The following FBXO28 variants were observed in gnomAD, a reference collection of about 807,000 sequenced individuals.
The protein encoded by FBXO28 is F-box only protein 28.
A neutral mutation model predicts 38.1 loss-of-function variants in FBXO28; 8 were observed. The ratio of observed to expected loss-of-function variants is 0.21; its 90% CI spans 0.12 to 0.38. The LOEUF is 0.38. Ranked by LOEUF, FBXO28 falls within the 10% of genes least tolerant of loss-of-function variation. The pLI is 1.00. For synonymous variants in FBXO28, 168 were observed against 173.8 expected (o/e 0.97, Z 0.26); for missense variants, 345 against 460.6 (o/e 0.75, Z 2.30).
At chr1:224,145,893 C>T (rs1380163379) in intron 3 of FBXO28, among the ~76,000 whole-genome samples, 1 of 152,104 alleles carries the variant, frequency 6.6e-6, no homozygotes, top group Non-Finnish European at 1.5e-5. Context: ...CATGGAGAAA[C>T]CCATCGCTAC....
Position 224,136,059 on chromosome 1 carries a change from C to T in FBXO28, c.516+1847C>T, listed in dbSNP as rs562529137. ...AAAAACAAACAAATAATGTTAAATCCACTGGAGTCCTGTCATTTTTGGAAA... is the reference window on the plus strand; with the variant it reads ...AAAAACAAACAAATAATGTTAAATCTACTGGAGTCCTGTCATTTTTGGAAA... On this transcript the variant is annotated intron_variant, in intron 3 of 4. Coordinates refer to ENST00000366862, the MANE Select transcript of FBXO28 (RefSeq NM_015176.4). Among the ~76,000 whole-genome samples the T allele has an allele frequency of 1.7e-4, 25 of 147,372 alleles. No individual in the cohort carries two copies. In the South Asian group the frequency reaches 4.7e-3, roughly 28 times the overall value.
At chr1:224,133,964 TA>T (rs1657118088) in intron 2 of FBXO28, 109 bp from the exon 3 acceptor site, 1 of 744,446 alleles carries the variant, frequency 1.3e-6, no homozygotes. Flanking sequence ...TGTAGATTTC[TA>T]AATTAACATG....
intron 3 of FBXO28, among the ~76,000 whole-genome samples, chr1:224,136,105 T>TTTTTTTG (rs1218484554): frequency 1.6e-5 from 2 of 125,298 alleles, no homozygotes; most frequent in Admixed American, 1.6e-4. Context: ...ACTTCAGTTT[T>TTTTTTTG]TTTTTTTTTT....
chr1:224,147,557 G>A (rs1248345037), intron 3 of FBXO28, among the ~76,000 whole-genome samples: 1 of 152,064 alleles, frequency 6.6e-6, no homozygotes. Context: ...ATCTAGAGGT[G>A]ATCTAGGTTA....
At chr1:224,117,513 A>G (rs185536030) in intron 1 of FBXO28, among the ~76,000 whole-genome samples, 2 of 152,272 alleles carry the variant, frequency 1.3e-5, no homozygotes, top group East Asian at 3.9e-4. Context: ...GGTTTCACAG[A>G]AATTACTCCT....
At chr1:224,141,996 C>T (rs1397726906) in intron 3 of FBXO28, among the ~76,000 whole-genome samples, 4 of 151,576 alleles carry the variant, frequency 2.6e-5, no homozygotes, top group Non-Finnish European at 5.9e-5. Context: ...TCAAGACAAT[C>T]CTCCCACCTC....
intron 4 of FBXO28, among the ~76,000 whole-genome samples, chr1:224,154,546 T>C (rs572045584): frequency 3.3e-5 from 5 of 152,142 alleles, no homozygotes; most frequent in South Asian, 2.1e-4. Context: ...CGGTGGCTCA[T>C]GCCTGTAATC....
chr1:224,156,094 T>A (rs959580402), intron 4 of FBXO28, among the ~76,000 whole-genome samples: 3 of 152,162 alleles, frequency 2.0e-5, no homozygotes, highest in African/African-American at 7.2e-5. Context: ...AATGCATCCA[T>A]AAAGGAAATA....
At chr1:224,127,659 C>T (rs1363581356) in intron 1 of FBXO28, among the ~76,000 whole-genome samples, 1 of 152,142 alleles carries the variant, frequency 6.6e-6, no homozygotes, top group African/African-American at 2.4e-5. Flanking sequence ...GTAATCCCTG[C>T]ACTTTGGGGG....
At chr1:224,153,790 G>T (rs150522593) in intron 4 of FBXO28, among the ~76,000 whole-genome samples, 3 of 151,872 alleles carry the variant, frequency 2.0e-5, no homozygotes, top group Non-Finnish European at 4.4e-5. Context: ...GCATGGTGGC[G>T]CACACCTGTA....
intron 3 of FBXO28, among the ~76,000 whole-genome samples, chr1:224,146,616 T>A (rs1657512381): frequency 6.6e-6 from 1 of 151,998 alleles, no homozygotes; most frequent in Non-Finnish European, 1.5e-5. Context: ...GCTCTTGAAC[T>A]CCTGCCTCCC....
chr1:224,143,503 A>G (rs1385524069), intron 3 of FBXO28, among the ~76,000 whole-genome samples: 2 of 152,122 alleles, frequency 1.3e-5, no homozygotes, highest in Non-Finnish European at 2.9e-5. Flanking sequence ...GCCACCTGCA[A>G]CCCTGAACTA....
At chr1:224,152,699 G>A (rs1657675017) in intron 3 of FBXO28, among the ~76,000 whole-genome samples, 1 of 152,068 alleles carries the variant, frequency 6.6e-6, no homozygotes, top group South Asian at 2.1e-4. Flanking sequence ...GGGAGGCCGA[G>A]GTGGGTGGAT....
At position 224,126,056 on chromosome 1, in the gene FBXO28, A is replaced by T. The variant is rs192937108; in HGVS notation, c.268-4416A>T. ...TAGTTTGCTTGCTAATGGTTTGTTC[A>T]TTCCAGACTTTGTGCCTTTGCATAC... On this transcript the variant is annotated intron_variant, in intron 1 of 4. Coordinates refer to ENST00000366862, the MANE Select transcript of FBXO28 (RefSeq NM_015176.4). Among the ~76,000 whole-genome samples the T allele has an allele frequency of 4.5e-3, 691 of 152,330 alleles. 20 individuals are homozygous for T. Among genetic ancestry groups the T allele is most frequent in the Admixed American group, 0.038 (587 of 15,298 alleles).
chr1:224,116,836 A>G (rs1402456517), intron 1 of FBXO28, among the ~76,000 whole-genome samples: 1 of 152,126 alleles, frequency 6.6e-6, no homozygotes, highest in Non-Finnish European at 1.5e-5. Flanking sequence ...GCTTCCTCTT[A>G]CCATGAATAA....
At position 224,114,172 on chromosome 1, in the gene FBXO28, G is replaced by A; in HGVS notation, c.43G>A (p.Gly15Ser). 1.3e-6 allele frequency: 2 copies of A among 1,546,706 alleles called. No homozygotes were observed. The highest frequency in any genetic ancestry group is 2.4e-5 in the South Asian group (2 of 83,730). ...GGAGCGGATGGCAGAGGAAGGAGGC[G>A]GCGGCCAAGGCGACGGCGGTTCCTC... ...AEERMAEEGG[G>S]GQGDGGSSLA... is the part of the protein sequence containing the mutation. Residue 15 changes from glycine (G) to serine (S), a missense_variant, in exon 1 of 5, where the codon GGC becomes AGC. By Grantham distance (56) the Gly-to-Ser change is moderately conservative. Transcript: ENST00000366862.
intron 1 of FBXO28, among the ~76,000 whole-genome samples, chr1:224,129,954 C>T (rs956088651): frequency 1.6e-4 from 25 of 151,550 alleles, no homozygotes; most frequent in African/African-American, 5.3e-4. Context: ...CGCGCCACTG[C>T]GCTCCAGCCT....
rs370579951 is a variant in FBXO28, at chr1:224,153,134, T to A, written c.517-8T>A. On this transcript the variant is annotated splice_polypyrimidine_tract_variant and splice_region_variant and intron_variant, in intron 3 of 4. Coordinates refer to ENST00000366862, the MANE Select transcript of FBXO28 (RefSeq NM_015176.4). ...ATCTAAAGTGCTAATGAGAATTCATTATTTTAGGTGATTGATGAGATTTAT... is the reference window on the plus strand; with the variant it reads ...ATCTAAAGTGCTAATGAGAATTCATAATTTTAGGTGATTGATGAGATTTAT... 3 of 1,581,412 alleles carry A rather than the reference T, an allele frequency of 1.9e-6. No individual in the cohort carries two copies. Among genetic ancestry groups the A allele is most frequent in the African/African-American group, 1.4e-5 (1 of 73,154 alleles).
intron 3 of FBXO28, among the ~76,000 whole-genome samples, chr1:224,142,626 G>C (rs888920610): frequency 6.6e-6 from 1 of 152,004 alleles, no homozygotes; most frequent in African/African-American, 2.4e-5. Context: ...GACCAGCCTG[G>C]CCAACATGGT....
Sources: gnomAD v4.1 joint callset for allele counts (sites outside exome capture counted in the v4.1 genomes callset) on GRCh38, gnomAD v4.1.1 for gene constraint, MANE v1.5 for transcripts, NCBI Gene and HGNC (gene_info 2026-07-23, HGNC 2026-07-21) for gene names.